The following CDH12 variants were observed in gnomAD, a reference collection of about 807,000 sequenced individuals.
CDH12 encodes cadherin-12.
Under a neutral mutation model 74.1 loss-of-function variants are expected in CDH12, and 41 were observed. The ratio of observed to expected loss-of-function variants is 0.55; its 90% CI spans 0.43 to 0.72. The LOEUF (loss-of-function observed/expected upper bound fraction) is 0.72, where lower values mean the gene tolerates loss of function less well. CDH12 is among the 30% of genes least tolerant of loss of function. The pLI, the probability that CDH12 is intolerant of heterozygous loss-of-function variation, is 0.00. For missense variants in CDH12, 945 were observed against 977.2 expected (o/e 0.97, Z 0.44); for synonymous variants, 399 against 355.0 (o/e 1.12, Z -1.39).
chr5:22,802,496 G>A (rs1322143219), intron 1 of CDH12, among the ~76,000 whole-genome samples: 2 of 152,098 alleles, frequency 1.3e-5, no homozygotes, highest in Non-Finnish European at 2.9e-5. Flanking sequence ...TTAGACTTCT[G>A]TTTGTTGGGT....
At chr5:22,834,904 A>G (rs569930145) in intron 1 of CDH12, among the ~76,000 whole-genome samples, 28 of 152,160 alleles carry the variant, frequency 1.8e-4, no homozygotes, top group African/African-American at 6.5e-4. Flanking sequence ...TAGAAAAAAG[A>G]GTGAGGAAGG....
intron 6 of CDH12, among the ~76,000 whole-genome samples, chr5:21,863,322 G>C (rs749763636): frequency 6.6e-6 from 1 of 152,042 alleles, no homozygotes; most frequent in Non-Finnish European, 1.5e-5. Flanking sequence ...CATGTCACTT[G>C]TGTGAACTCT....
At chr5:22,542,115 AT>A (rs1213909514) in intron 1 of CDH12, among the ~76,000 whole-genome samples, 6 of 152,198 alleles carry the variant, frequency 3.9e-5, no homozygotes, top group African/African-American at 1.4e-4. Context: ...TTTCCTGGTC[AT>A]TGTTTATAAT....
intron 3 of CDH12, among the ~76,000 whole-genome samples, chr5:22,260,129 A>C (rs1318180995): frequency 6.6e-6 from 1 of 152,056 alleles, no homozygotes; most frequent in Non-Finnish European, 1.5e-5. Flanking sequence ...TTCCTTTCTA[A>C]TAACCAGAAC....
chr5:22,531,808 G>GA (rs1402063028), intron 1 of CDH12, among the ~76,000 whole-genome samples: 1 of 152,100 alleles, frequency 6.6e-6, no homozygotes, highest in African/African-American at 2.4e-5. Context: ...AAGATTGGCT[G>GA]AAAGTCTGTA....
chr5:22,512,021 T>A (rs1235576659), intron 1 of CDH12, among the ~76,000 whole-genome samples: 3 of 151,832 alleles, frequency 2.0e-5, no homozygotes, highest in Non-Finnish European at 4.4e-5. Context: ...TTAGAAAAGG[T>A]AGTTCAAGGT....
intron 2 of CDH12, among the ~76,000 whole-genome samples, chr5:22,429,780 T>C (rs987271005): frequency 6.6e-6 from 1 of 152,216 alleles, no homozygotes; most frequent in African/African-American, 2.4e-5. Context: ...TGACAACATC[T>C]ACACAAAGCT....
chr5:22,609,789 C>A (rs769296819), intron 1 of CDH12, among the ~76,000 whole-genome samples: 10 of 152,196 alleles, frequency 6.6e-5, no homozygotes, highest in Non-Finnish European at 1.5e-4. Flanking sequence ...GTGTCATCTA[C>A]TCAATGCTGT....
chr5:22,499,881 CA>C (rs2126654030), intron 2 of CDH12, among the ~76,000 whole-genome samples: 1 of 152,274 alleles, frequency 6.6e-6, no homozygotes. Flanking sequence ...GGCCACACTA[CA>C]GTTCTCCTTA....
chr5:22,749,566 A>T (rs1338541798), intron 1 of CDH12, among the ~76,000 whole-genome samples: 2 of 152,208 alleles, frequency 1.3e-5, no homozygotes, highest in African/African-American at 4.8e-5. Context: ...TATTTCTAAA[A>T]GTAAAATCAA....
rs375359757 is a variant in CDH12 at position 21,868,083 on chromosome 5, G to C, written c.527-13293C>G. Among the ~76,000 whole-genome samples, 19 of 149,362 alleles carry C rather than the reference G, an allele frequency of 1.3e-4. No homozygotes were observed. In the East Asian group the frequency reaches 2.0e-3, roughly 16 times the overall value. On this transcript the variant is annotated intron_variant, in intron 6 of 14. Transcript: ENST00000382254. ...ACTCTTGTCTTGTCTGCTGCCATGG[G>C]AGACATGCCTTTCACCGTCCACCAT...
intron 8 of CDH12, among the ~76,000 whole-genome samples, chr5:21,830,781 T>C (rs1020921914): frequency 6.6e-6 from 1 of 152,078 alleles, no homozygotes; most frequent in African/African-American, 2.4e-5. Context: ...CTCAAGCCTC[T>C]ATTCCCAGCA....
intron 11 of CDH12, among the ~76,000 whole-genome samples, chr5:21,769,529 T>G (rs1745209633): frequency 6.6e-6 from 1 of 152,144 alleles, no homozygotes; most frequent in African/African-American, 2.4e-5. Context: ...TAGATCTCAC[T>G]TCTTGACCAA....
At chr5:22,061,923 G>A (rs761687693) in intron 5 of CDH12, among the ~76,000 whole-genome samples, 5 of 152,016 alleles carry the variant, frequency 3.3e-5, no homozygotes, top group Non-Finnish European at 5.9e-5. Flanking sequence ...TAGAATCAAA[G>A]CTTATCCTCA....
chr5:22,676,043 A>C (rs1188039369), intron 1 of CDH12, among the ~76,000 whole-genome samples: 1 of 151,594 alleles, frequency 6.6e-6, no homozygotes, highest in Non-Finnish European at 1.5e-5. Flanking sequence ...AAACTAATTT[A>C]AAAATAACTA....
At chr5:21,967,238 G>A (rs1756626070) in intron 6 of CDH12, among the ~76,000 whole-genome samples, 1 of 152,150 alleles carries the variant, frequency 6.6e-6, no homozygotes, top group Admixed American at 6.6e-5. Flanking sequence ...GCTCTCCCAT[G>A]ATCACTTATC....
chr5:22,150,173 GA>G (rs1371580605), intron 4 of CDH12, among the ~76,000 whole-genome samples: 1 of 151,910 alleles, frequency 6.6e-6, no homozygotes, highest in Non-Finnish European at 1.5e-5. Context: ...ATATTCTGTA[GA>G]AAAGTTTTGG....
chr5:22,610,957 C>T (rs1393271717), intron 1 of CDH12, among the ~76,000 whole-genome samples: 2 of 152,020 alleles, frequency 1.3e-5, no homozygotes, highest in Non-Finnish European at 2.9e-5. Flanking sequence ...CCCAACATGA[C>T]ACTGAATTCA....
chr5:22,257,801 T>TG (rs1266224709), intron 3 of CDH12, among the ~76,000 whole-genome samples: 1 of 152,114 alleles, frequency 6.6e-6, no homozygotes, highest in Non-Finnish European at 1.5e-5. Context: ...TGACTGCAAA[T>TG]TTTTTTTGTG....
Sources: gnomAD v4.1 joint callset for allele counts (sites outside exome capture counted in the v4.1 genomes callset) on GRCh38, gnomAD v4.1.1 for gene constraint, MANE v1.5 for transcripts, NCBI Gene and HGNC (gene_info 2026-07-23, HGNC 2026-07-21) for gene names.